The following SPIDR variants were observed in gnomAD, a reference collection of about 807,000 sequenced individuals.
SPIDR encodes scaffold protein involved in DNA repair.
A neutral mutation model predicts 104.6 loss-of-function variants in SPIDR; 93 were observed. The observed-to-expected ratio is 0.89, with a 90% confidence interval of 0.75 to 1.06. SPIDR has a LOEUF of 1.06. Among genes scored for constraint, SPIDR ranks in the 50% least tolerant of loss-of-function variants. SPIDR has a pLI of 0.00. For missense variants in SPIDR, 1,154 were observed against 1,111.2 expected (o/e 1.04, Z -0.55); for synonymous variants, 431 against 416.9 (o/e 1.03, Z -0.41).
intron 8 of SPIDR, among the ~76,000 whole-genome samples, chr8:47,532,077 T>G (rs1020409822): frequency 1.3e-4 from 19 of 151,524 alleles, no homozygotes; most frequent in African/African-American, 4.4e-4. Context: ...TTTTTTTTTT[T>G]TTTTTTTTGA....
chr8:47,346,018 G>A (rs988223002), intron 5 of SPIDR, among the ~76,000 whole-genome samples: 10 of 152,202 alleles, frequency 6.6e-5, no homozygotes, highest in Non-Finnish European at 5.9e-5. Flanking sequence ...CATGTGGTGA[G>A]AGAGGGCATG....
rs2064025892 is a variant in SPIDR at position 47,414,936 on chromosome 8, C to T, written c.877+6975C>T. Reference sequence around the variant, plus strand: ...TTTTTTTCTTTGAGGCAGAGTCTCGCTCTGTTGCCCAGGCTGGAGTGCAGT... The same window carrying T: ...TTTTTTTCTTTGAGGCAGAGTCTCGTTCTGTTGCCCAGGCTGGAGTGCAGT... On this transcript the variant is annotated intron_variant, in intron 7 of 19. Coordinates refer to ENST00000297423, the MANE Select transcript of SPIDR (RefSeq NM_001080394.4). 1.3e-5 allele frequency among the ~76,000 whole-genome samples: 2 copies of T among 152,112 alleles called. 1 individual carries two copies. The highest frequency in any genetic ancestry group is 4.1e-4 in the South Asian group (2 of 4,832).
chr8:47,682,670 AAAT>A (rs1350507658), intron 11 of SPIDR, among the ~76,000 whole-genome samples: 2 of 152,216 alleles, frequency 1.3e-5, no homozygotes, highest in East Asian at 3.8e-4. Context: ...TTCAGTTGGA[AAAT>A]AATAGTTTCT....
chr8:47,457,640 G>A lies in SPIDR; in HGVS notation c.1097+17098G>A, dbSNP rs145185035. On this transcript the variant is annotated intron_variant, in intron 8 of 19. Coordinates refer to ENST00000297423, the MANE Select transcript of SPIDR (RefSeq NM_001080394.4). ...TTGTTTTTGTTGCATTTGCTTTTGGGTTCTTGGTCATGAAAACTTTGTCTA... is the reference window on the plus strand; with the variant it reads ...TTGTTTTTGTTGCATTTGCTTTTGGATTCTTGGTCATGAAAACTTTGTCTA... Among the ~76,000 whole-genome samples, 531 of 152,084 alleles carry A rather than the reference G, an allele frequency of 3.5e-3. 7 individuals carry two copies. The highest frequency in any genetic ancestry group is 0.012 in the African/African-American group (503 of 41,494).
intron 5 of SPIDR, among the ~76,000 whole-genome samples, chr8:47,307,167 GTCT>G (rs2043223548): frequency 6.7e-6 from 1 of 150,188 alleles, no homozygotes; most frequent in Non-Finnish European, 1.5e-5. Context: ...CTGCATTACT[GTCT>G]TCTTTTGTGT....
At chr8:47,321,593 A>G (rs2046603825) in intron 5 of SPIDR, among the ~76,000 whole-genome samples, 1 of 152,164 alleles carries the variant, frequency 6.6e-6, no homozygotes, top group Admixed American at 6.5e-5. Flanking sequence ...GGAAAAAACT[A>G]CTTTAAAGTT....
chr8:47,302,076 G>A, intron 5 of SPIDR, among the ~76,000 whole-genome samples: 1 of 141,498 alleles, frequency 7.1e-6, no homozygotes, highest in Middle Eastern at 3.5e-3. Flanking sequence ...TCACTTTCAG[G>A]TACACCAATG....
At chr8:47,542,341 G>A (rs539339047) in intron 8 of SPIDR, among the ~76,000 whole-genome samples, 7 of 151,986 alleles carry the variant, frequency 4.6e-5, no homozygotes, top group Admixed American at 1.3e-4. Context: ...TGTAACCAGA[G>A]GCAAATCCGA....
intron 8 of SPIDR, among the ~76,000 whole-genome samples, chr8:47,454,179 T>C (rs1554708236): frequency 1.3e-5 from 2 of 152,194 alleles, no homozygotes; most frequent in Admixed American, 1.3e-4. Context: ...CATGCGCATG[T>C]ACGTTTACTG....
intron 1 of SPIDR, among the ~76,000 whole-genome samples, chr8:47,265,963 G>A (rs1378052524): frequency 1.3e-5 from 2 of 151,724 alleles, no homozygotes; most frequent in East Asian, 1.9e-4. Flanking sequence ...CCTGCCAAAG[G>A]CCCCACCTCC....
chr8:47,396,750 G>A (rs2061295962), intron 6 of SPIDR, 124 bp downstream of exon 6: 1 of 1,038,412 alleles, frequency 9.6e-7, no homozygotes, highest in South Asian at 1.7e-5. Context: ...CTGATTAATG[G>A]AATGTTCATC....
intron 5 of SPIDR, among the ~76,000 whole-genome samples, chr8:47,385,272 AT>A (rs137883592): frequency 0.018 from 2,762 of 152,212 alleles, 86 homozygotes; most frequent in African/African-American, 0.064. Flanking sequence ...GTCTTCCTAT[AT>A]ATACATTAGT....
At chr8:47,348,990 T>C (rs1192978279) in intron 5 of SPIDR, among the ~76,000 whole-genome samples, 3 of 152,238 alleles carry the variant, frequency 2.0e-5, no homozygotes, top group Admixed American at 6.5e-5. Flanking sequence ...CTTTATTTGA[T>C]TGCTCGTGAG....
intron 10 of SPIDR, among the ~76,000 whole-genome samples, chr8:47,626,604 A>C (rs1336483862): frequency 2.0e-5 from 3 of 152,250 alleles, no homozygotes; most frequent in Non-Finnish European, 2.9e-5. Context: ...TCTCAAAAGA[A>C]GACATTTATG....
chr8:47,655,941 T>G (rs1226760760), intron 10 of SPIDR, among the ~76,000 whole-genome samples: 1 of 152,194 alleles, frequency 6.6e-6, no homozygotes, highest in Admixed American at 6.5e-5. Context: ...ATTTTTGACA[T>G]GGGTGTCAGG....
At chr8:47,393,031 A>G (rs1420885873) in intron 5 of SPIDR, among the ~76,000 whole-genome samples, 2 of 151,970 alleles carry the variant, frequency 1.3e-5, no homozygotes, top group Non-Finnish European at 2.9e-5. Flanking sequence ...TTTTCCATAG[A>G]TAGTCTTCTC....
chr8:47,632,439 T>C (rs1588617371), intron 10 of SPIDR, among the ~76,000 whole-genome samples: 1 of 152,364 alleles, frequency 6.6e-6, no homozygotes, highest in South Asian at 2.1e-4. Context: ...ATTTTTCATG[T>C]AATTTTAAGT....
At chr8:47,430,790 G>A (rs575172369) in intron 7 of SPIDR, among the ~76,000 whole-genome samples, 8 of 152,268 alleles carry the variant, frequency 5.3e-5, no homozygotes, top group Middle Eastern at 3.4e-3. Context: ...TTAGCCATAT[G>A]ACCTTTTAAA....
At chr8:47,494,901 G>C (rs1460193546) in intron 8 of SPIDR, among the ~76,000 whole-genome samples, 1 of 152,076 alleles carries the variant, frequency 6.6e-6, no homozygotes, top group Non-Finnish European at 1.5e-5. Flanking sequence ...TTTTAGTAGG[G>C]TGTTCATTTG....
Sources: allele counts gnomAD v4.1 joint callset (sites outside exome capture counted in the v4.1 genomes callset), GRCh38; gene constraint gnomAD v4.1.1; transcripts MANE v1.5; gene names NCBI Gene and HGNC (gene_info 2026-07-23, HGNC 2026-07-21).